The following PPP2R5D variants were observed in gnomAD, a reference collection of about 807,000 sequenced individuals.
PPP2R5D encodes the protein protein phosphatase 2 regulatory subunit B'delta.
Under a neutral mutation model 79.1 loss-of-function variants are expected in PPP2R5D, and 12 were observed. The observed-to-expected ratio is 0.15, with a 90% CI of 0.10 to 0.25. PPP2R5D has a LOEUF of 0.25. PPP2R5D is among the 10% of genes least tolerant of loss of function. The pLI is 1.00. For missense variants in PPP2R5D, 419 were observed against 760.2 expected (o/e 0.55, Z 5.28); for synonymous variants, 277 against 286.6 (o/e 0.97, Z 0.34).
At chr6:42,999,536 A>G (rs1038873195) in intron 2 of PPP2R5D, among the ~76,000 whole-genome samples, 1 of 152,064 alleles carries the variant, frequency 6.6e-6, no homozygotes, top group Admixed American at 6.6e-5. Flanking sequence ...ATATCAGCTC[A>G]TTGGGTGGTT....
chr6:42,998,098 G>A (rs1273689312), intron 2 of PPP2R5D, among the ~76,000 whole-genome samples: 2 of 70,000 alleles, frequency 2.9e-5, no homozygotes, highest in African/African-American at 5.2e-5. Flanking sequence ...TTTTTGAGAC[G>A]GAGTCTCACT....
rs1029261427 is a variant in PPP2R5D at position 43,010,024 on chromosome 6, G to A, written c.1380-444G>A. Among the ~76,000 whole-genome samples the A allele has an allele frequency of 7.2e-5, 11 of 152,102 alleles. No homozygotes were observed. Among genetic ancestry groups the A allele is most frequent in the South Asian group, 4.1e-4 (2 of 4,830 alleles). ...GTGACGGTTGCAGTGAGCCGAGATC[G>A]TGCCACTGCACTCCAGCCTGGGCAA... On this transcript the variant is annotated intron_variant, in intron 12 of 15. Coordinates refer to ENST00000485511, the MANE Select transcript of PPP2R5D (RefSeq NM_006245.4). The surrounding 1 kb of genome is among the most constrained non-coding windows in gnomAD (Gnocchi z 4.7).
intron 2 of PPP2R5D, among the ~76,000 whole-genome samples, chr6:43,002,026 T>A (rs1772255333): frequency 6.6e-6 from 1 of 152,118 alleles, no homozygotes; most frequent in Non-Finnish European, 1.5e-5. Context: ...GTCATCCCAT[T>A]TTGTAGATGA....
chr6:43,009,052 C>T lies in PPP2R5D; in HGVS notation c.1081-5C>T. ...TTTCATCCCCATGCCCTCCTTGTCT[C>T]CCAGGTAATTGTGGGACTTCTCAAG... On this transcript the variant is annotated splice_region_variant and splice_polypyrimidine_tract_variant and intron_variant, in intron 10 of 15. Coordinates refer to ENST00000485511, the MANE Select transcript of PPP2R5D (RefSeq NM_006245.4). This position sits in a 1 kb window ranked among gnomAD's most constrained non-coding sequence, Gnocchi z 5.6. The T allele has an allele frequency of 6.2e-7, 1 of 1,613,182 alleles. No homozygotes were observed. Among genetic ancestry groups the T allele is most frequent in the East Asian group, 2.2e-5 (1 of 44,862 alleles).
Position 43,011,587 on chromosome 6 carries a change from T to C in PPP2R5D, c.*301T>C. The C allele has an allele frequency of 2.1e-6, 1 of 471,302 alleles. No individual in the cohort carries two copies. The highest frequency in any genetic ancestry group is 2.4e-5 in the South Asian group (1 of 42,444). 29.2% of individuals were successfully genotyped at this position (471,302 alleles called of 1,614,324 possible). ...CACCCACAGCTACCTGAGGCTGCTC[T>C]GAGAAGTACACACAGGAATACATAC... On this transcript the variant is annotated 3_prime_UTR_variant, in exon 16 of 16. Transcript: ENST00000485511.
At position 43,007,410 on chromosome 6, in the gene PPP2R5D, A is replaced by G. The variant is rs543017413; in HGVS notation, c.634-4A>G. Reference sequence around the variant, plus strand: ...CCCTCAGTGGCGTGCCTTTTCCCCTATAGCTCGTGTATGAGTTCTTCTTAC... The same window carrying G: ...CCCTCAGTGGCGTGCCTTTTCCCCTGTAGCTCGTGTATGAGTTCTTCTTAC... On this transcript the variant is annotated splice_polypyrimidine_tract_variant and splice_region_variant and intron_variant, in intron 5 of 15. Coordinates refer to ENST00000485511, the MANE Select transcript of PPP2R5D (RefSeq NM_006245.4). The surrounding 1 kb of genome is among the most constrained non-coding windows in gnomAD (Gnocchi z 4.5). The G allele has an allele frequency of 2.5e-6, 4 of 1,611,656 alleles. No individual in the cohort carries two copies. Among genetic ancestry groups the G allele is most frequent in the Admixed American group, 1.7e-5 (1 of 60,018 alleles).
In PPP2R5D at chr6:42,992,728, C is replaced by T. The variant is rs148772011; in HGVS notation, c.105+3040C>T. Among the ~76,000 whole-genome samples, 391 of 152,206 alleles carry T rather than the reference C, an allele frequency of 2.6e-3. 3 individuals are homozygous for T. The highest frequency in any genetic ancestry group is 8.3e-3 in the African/African-American group (346 of 41,552). ...CTTCCAGCCACACGGGAGGCTGAGG[C>T]GGAGGATCGCTTGAGTCCAGGAGTT... On this transcript the variant is annotated intron_variant, in intron 2 of 15. Coordinates refer to ENST00000485511, the MANE Select transcript of PPP2R5D (RefSeq NM_006245.4).
At chr6:42,991,066 C>T (rs988598839) in intron 2 of PPP2R5D, among the ~76,000 whole-genome samples, 128 of 152,154 alleles carry the variant, frequency 8.4e-4, no homozygotes, top group Non-Finnish European at 1.2e-3. Flanking sequence ...AGCTCTGTGA[C>T]GATTTGTCCC....
At position 42,989,576 on chromosome 6, in the gene PPP2R5D, C is replaced by T. The variant is rs374918665; in HGVS notation, c.28-35C>T. The T allele has an allele frequency of 7.5e-5, 116 of 1,544,170 alleles. No homozygotes were observed. In the African/African-American group the frequency reaches 1.4e-3, roughly 19 times the overall value. On this transcript the variant is annotated intron_variant, in intron 1 of 15. Transcript: ENST00000485511. ...AGATAAGACCTCTCCCTTCTCCTGGCATCTGCTAACTTTACTTTCATCTTT... is the reference window on the plus strand; with the variant it reads ...AGATAAGACCTCTCCCTTCTCCTGGTATCTGCTAACTTTACTTTCATCTTT...
At chr6:42,985,739 C>T (rs560496545) in intron 1 of PPP2R5D, among the ~76,000 whole-genome samples, 2 of 151,624 alleles carry the variant, frequency 1.3e-5, no homozygotes, top group South Asian at 4.2e-4. Context: ...CCTGAACACC[C>T]ATGTCTTTAT....
intron 2 of PPP2R5D, among the ~76,000 whole-genome samples, chr6:43,000,952 G>A (rs1224692854): frequency 2.0e-5 from 3 of 152,216 alleles, no homozygotes; most frequent in Non-Finnish European, 4.4e-5. Context: ...TTGCCATCTA[G>A]TTAGGGGAAT....
chr6:43,005,038 T>C (rs1445390433), intron 2 of PPP2R5D, among the ~76,000 whole-genome samples: 2 of 151,988 alleles, frequency 1.3e-5, no homozygotes, highest in Non-Finnish European at 2.9e-5. Context: ...AGCCACTCAC[T>C]GCACCTGGCC....
chr6:42,998,015 T>TTATA (rs1561843629), intron 2 of PPP2R5D, among the ~76,000 whole-genome samples: 454 of 32,112 alleles, frequency 0.014, 6 homozygotes, highest in Middle Eastern at 0.024. Context: ...TGGGTTTTAT[T>TTATA]TATATATATA....
At position 43,009,373 on chromosome 6, in the gene PPP2R5D, A is replaced by G. The variant is rs755300874; in HGVS notation, c.1303A>G (p.Ile435Val). The G allele has an allele frequency of 8.7e-6, 14 of 1,613,984 alleles. No individual in the cohort carries two copies. The East Asian group carries it at 2.2e-4, about 26-fold the overall frequency. ...GAACAATGAGTACATCATGAGCCTG[A>G]TAAGTGACAATGCTGCCCGAGTCCT... is the stretch of plus-strand genomic sequence containing the variant. ...YWNNEYIMSL[I>V]SDNAARVLPI... is the part of the protein sequence containing the mutation. The change falls in exon 12 of 16, where the codon ATA becomes GTA. Residue 435 changes from isoleucine (I) to valine (V), a missense_variant. Physicochemically the swap from Ile to Val is conservative, Grantham distance 29. Coordinates refer to ENST00000485511, the MANE Select transcript of PPP2R5D (RefSeq NM_006245.4). The surrounding 1 kb of genome is among the most constrained non-coding windows in gnomAD (Gnocchi z 5.6).
intron 2 of PPP2R5D, among the ~76,000 whole-genome samples, chr6:42,991,086 C>G (rs908727756): frequency 2.0e-4 from 31 of 152,182 alleles, no homozygotes; most frequent in African/African-American, 7.0e-4. Context: ...CCATCTGTGT[C>G]TCTCCTCTCA....
intron 2 of PPP2R5D, among the ~76,000 whole-genome samples, chr6:42,998,808 G>A (rs1255360846): frequency 6.6e-6 from 1 of 152,190 alleles, no homozygotes; most frequent in Non-Finnish European, 1.5e-5. Flanking sequence ...GCTGAGGCAG[G>A]CAGATCACTT....
At position 43,006,865 on chromosome 6, in the gene PPP2R5D, C is replaced by A. The variant is rs1348480923; in HGVS notation, c.323-46C>A. On this transcript the variant is annotated intron_variant, in intron 3 of 15. Transcript: ENST00000485511. This position sits in a 1 kb window ranked among gnomAD's most constrained non-coding sequence, Gnocchi z 4.7. ...GCCCTTGAAGGCAAGCAGGGCATCGCAGTGAAGGACTACAGAGGAGAACCT... is the reference window on the plus strand; with the variant it reads ...GCCCTTGAAGGCAAGCAGGGCATCGAAGTGAAGGACTACAGAGGAGAACCT... The A allele has an allele frequency of 1.0e-5, 16 of 1,607,392 alleles. No individual in the cohort carries two copies. The highest frequency in any genetic ancestry group is 1.3e-5 in the African/African-American group (1 of 74,734).
At position 42,985,025 on chromosome 6, in the gene PPP2R5D, C is replaced by T. The variant is rs952571513; in HGVS notation, c.27+321C>T. Among the ~76,000 whole-genome samples the T allele has an allele frequency of 2.0e-5, 3 of 151,842 alleles. No homozygotes were observed. In the East Asian group the frequency reaches 5.8e-4, roughly 30 times the overall value. On this transcript the variant is annotated intron_variant, in intron 1 of 15. Transcript: ENST00000485511. ...GGTCACTGTCCTGCTTTTTCTGTCCCCCCCATCACCCCTGGCCCCGATCCC... is the reference window on the plus strand; with the variant it reads ...GGTCACTGTCCTGCTTTTTCTGTCCTCCCCATCACCCCTGGCCCCGATCCC...
chr6:43,008,845 C>A lies in PPP2R5D; in HGVS notation c.1080+99C>A. On this transcript the variant is annotated intron_variant, in intron 10 of 15. Coordinates refer to ENST00000485511, the MANE Select transcript of PPP2R5D (RefSeq NM_006245.4). The surrounding 1 kb of genome is among the most constrained non-coding windows in gnomAD (Gnocchi z 4.2). ...TGCCATAAGGGGGAACTCAGGAGGGCTGTGACCTGACCGGTAACATGGTTT... is the reference window on the plus strand; with the variant it reads ...TGCCATAAGGGGGAACTCAGGAGGGATGTGACCTGACCGGTAACATGGTTT... The A allele has an allele frequency of 2.2e-6, 3 of 1,385,920 alleles. No individual in the cohort carries two copies. Among genetic ancestry groups the A allele is most frequent in the South Asian group, 1.2e-5 (1 of 82,328 alleles). The allele number at this position is 1,385,920 out of a possible 1,614,324, so 85.9% of individuals were successfully genotyped here.
Sources: allele counts gnomAD v4.1 joint callset (sites outside exome capture counted in the v4.1 genomes callset), GRCh38; gene constraint gnomAD v4.1.1; non-coding constraint Gnocchi (gnomAD v3.1); transcripts MANE v1.5; gene names NCBI Gene and HGNC (gene_info 2026-07-23, HGNC 2026-07-21).